Variants in CERT1 observed in about 807,000 individuals in gnomAD.
The protein encoded by CERT1 is ceramide transfer protein.
A neutral mutation model predicts 87.9 loss-of-function variants in CERT1; 31 were observed. The ratio of observed to expected loss-of-function variants is 0.35; its 90% CI spans 0.27 to 0.48. The LOEUF (loss-of-function observed/expected upper bound fraction) is 0.48. Among genes scored for constraint, CERT1 ranks in the 20% least tolerant of loss-of-function variants. The pLI, the probability that CERT1 is intolerant of heterozygous loss-of-function variation, is 0.99. For missense variants in CERT1, 487 were observed against 758.0 expected (o/e 0.64, Z 4.20); for synonymous variants, 289 against 250.9 (o/e 1.15, Z -1.44).
At chr5:75,431,689 A>AGTT (rs1349810971) in intron 3 of CERT1, among the ~76,000 whole-genome samples, 7 of 152,330 alleles carry the variant, frequency 4.6e-5, no homozygotes, top group Admixed American at 4.6e-4. Context: ...ATCCTGCATT[A>AGTT]GTTTACTAAG....
chr5:75,498,385 TCC>T (rs1329613927), intron 2 of CERT1, among the ~76,000 whole-genome samples: 3 of 152,150 alleles, frequency 2.0e-5, no homozygotes, highest in African/African-American at 7.2e-5. Flanking sequence ...TGGCAGCCCC[TCC>T]CATCAAACAC....
At position 75,399,336 on chromosome 5, in the gene CERT1, C is replaced by G; in HGVS notation, c.1162G>C (p.Asp388His). ...TGGGAGCTGAATCTGTGAACATCAT[C>G]AGAGGCACTGACTAGATCAATGGAA... The part of the protein sequence containing the change: ...MSSIDLVSAS[D>H]DVHRFSSQVE... Residue 388 changes from aspartate to histidine, a missense_variant, in exon 11 of 17, where the codon GAT (aspartate) becomes CAT (histidine). Transcript: ENST00000643780. 6.2e-7 allele frequency: 1 copy of G among 1,613,434 alleles called. No homozygotes were observed. Among genetic ancestry groups the G allele is most frequent in the South Asian group, 1.1e-5 (1 of 91,064 alleles).
At chr5:75,470,291 T>C (rs1765649773) in intron 2 of CERT1, among the ~76,000 whole-genome samples, 1 of 152,210 alleles carries the variant, frequency 6.6e-6, no homozygotes, top group Admixed American at 6.5e-5. Context: ...ATAGATATGT[T>C]AGACCACAAA....
rs1765124768 is a variant in CERT1, at chr5:75,459,156, A to T, written c.257T>A (p.Phe86Tyr). Residue 86 changes from phenylalanine to tyrosine, a missense_variant, in exon 3 of 17, where the codon TTT becomes TAT. Phe to Tyr is a conservative substitution (Grantham distance 22, BLOSUM62 3). Coordinates refer to ENST00000643780, the MANE Select transcript of CERT1 (RefSeq NM_001379029.1). ...AACACTATCATTTACACTAATATCA[A>T]ATCGACATTCATCAAAATCGTGAGG... ...ITPHDFDECRFDISVNDSVWY... is the reference protein window; with the variant it reads ...ITPHDFDECRYDISVNDSVWY... 5 of 1,611,258 alleles carry T rather than the reference A, an allele frequency of 3.1e-6. No individual in the cohort carries two copies. Among genetic ancestry groups the T allele is most frequent in the East Asian group, 2.2e-5 (1 of 44,838 alleles).
chr5:75,410,636 T>C (rs1220625610), intron 8 of CERT1: 1 of 150,072 alleles, frequency 6.7e-6, no homozygotes, highest in Non-Finnish European at 1.5e-5. Context: ...TCTCACAGTA[T>C]AGTACAGACT....
chr5:75,375,627 AAAT>A (rs1561216261), downstream of CERT1: 8 of 136,896 alleles, frequency 5.8e-5, no homozygotes, highest in African/African-American at 2.2e-4. Flanking sequence ...ATAAATAAAT[AAAT>A]AAAATAAATA....
chr5:75,437,418 A>G (rs1453271843), intron 3 of CERT1, among the ~76,000 whole-genome samples: 3 of 152,204 alleles, frequency 2.0e-5, no homozygotes, highest in Non-Finnish European at 4.4e-5. Context: ...TTCTAAGTCT[A>G]ATAAAATTTC....
At chr5:75,441,347 G>A (rs1177425645) in intron 3 of CERT1, among the ~76,000 whole-genome samples, 1 of 152,084 alleles carries the variant, frequency 6.6e-6, no homozygotes, top group Non-Finnish European at 1.5e-5. Context: ...TATGATGTTT[G>A]CACAACAAAA....
chr5:75,479,725 T>A (rs911097793), intron 2 of CERT1, among the ~76,000 whole-genome samples: 3 of 152,216 alleles, frequency 2.0e-5, no homozygotes, highest in African/African-American at 4.8e-5. Flanking sequence ...GTCTTTTTTT[T>A]ATTGTGAATA....
chr5:75,421,916 T>C (rs550121385), intron 5 of CERT1, among the ~76,000 whole-genome samples: 1 of 152,286 alleles, frequency 6.6e-6, no homozygotes, highest in South Asian at 2.1e-4. Flanking sequence ...AAGGAGTTGT[T>C]TTCTTGGAAA....
chr5:75,379,829 C>T (rs1030577176), intron 16 of CERT1, among the ~76,000 whole-genome samples: 2 of 152,188 alleles, frequency 1.3e-5, no homozygotes, highest in South Asian at 2.1e-4. Context: ...ATGATCCGCC[C>T]GCCTCAGCCT....
intron 14 of CERT1, among the ~76,000 whole-genome samples, chr5:75,384,313 C>T (rs1003186543): frequency 6.6e-6 from 1 of 152,142 alleles, no homozygotes; most frequent in Non-Finnish European, 1.5e-5. Context: ...GCAGGAGGAT[C>T]ACTTGAGCTC....
intron 3 of CERT1, among the ~76,000 whole-genome samples, chr5:75,436,055 C>T (rs569877051): frequency 9.9e-5 from 15 of 152,188 alleles, no homozygotes; most frequent in Admixed American, 2.0e-4. Flanking sequence ...TTTTTTGAGA[C>T]GGAGGATCGC....
chr5:75,406,755 G>C (rs887091559), intron 8 of CERT1, among the ~76,000 whole-genome samples: 1 of 152,202 alleles, frequency 6.6e-6, no homozygotes, highest in South Asian at 2.1e-4. Context: ...ATGTTGGCCA[G>C]GCTGCTCTTG....
rs953876263 is a variant in CERT1 at position 75,511,592 on chromosome 5, C to G, written c.-385G>C. The G allele has an allele frequency of 4.1e-6, 6 of 1,466,030 alleles. No homozygotes were observed. The highest frequency in any genetic ancestry group is 5.4e-6 in the Non-Finnish European group (6 of 1,109,126). The allele number at this position is 1,466,030 out of a possible 1,614,324, so 90.8% of individuals were successfully genotyped here. ...CTGAGTCCCGCGTCCACTCACACCT[C>G]CGCTACCGCCGCCATCTTCCTGCCT... On this transcript the variant is annotated 5_prime_UTR_variant, in exon 1 of 17. Transcript: ENST00000643780.
At position 75,379,281 on chromosome 5, in the gene CERT1, T is replaced by A; in HGVS notation, c.*65A>T. The A allele has an allele frequency of 7.4e-7, 1 of 1,349,910 alleles. No individual in the cohort carries two copies. Among genetic ancestry groups the A allele is most frequent in the Non-Finnish European group, 1.0e-6 (1 of 967,608 alleles). 83.6% of individuals were successfully genotyped at this position (1,349,910 alleles called of 1,614,324 possible). On this transcript the variant is annotated 3_prime_UTR_variant, in exon 17 of 17. Transcript: ENST00000643780. ...ACTTTCAACAACTAAATTTTAGTAT[T>A]GACAGTCATATTAGTCAAATAAAGT...
At position 75,446,311 on chromosome 5, in the gene CERT1, A is replaced by G. The variant is rs552809521; in HGVS notation, c.348+12754T>C. Among the ~76,000 whole-genome samples the G allele has an allele frequency of 5.3e-5, 8 of 152,278 alleles. No homozygotes were observed. The South Asian group carries it at 1.2e-3, about 24-fold the overall frequency. ...CTCTAGTGAATTTTTCATTTCAGTTACTAGAGTTTCTAGCTCCATAATTTC... is the reference window on the plus strand; with the variant it reads ...CTCTAGTGAATTTTTCATTTCAGTTGCTAGAGTTTCTAGCTCCATAATTTC... On this transcript the variant is annotated intron_variant, in intron 3 of 16. Coordinates refer to ENST00000643780, the MANE Select transcript of CERT1 (RefSeq NM_001379029.1).
At chr5:75,388,638 ATATC>A (rs1179161185) in intron 12 of CERT1, among the ~76,000 whole-genome samples, 2 of 107,568 alleles carry the variant, frequency 1.9e-5, no homozygotes, top group Non-Finnish European at 3.8e-5. Context: ...ATATATATAT[ATATC>A]TCACACAGGG....
chr5:75,386,350 A>C (rs948696025), intron 12 of CERT1, among the ~76,000 whole-genome samples: 2 of 152,234 alleles, frequency 1.3e-5, no homozygotes, highest in African/African-American at 2.4e-5. Context: ...TGGCTAAGAA[A>C]ACCAAATAAA....
Sources: allele counts gnomAD v4.1 joint callset (sites outside exome capture counted in the v4.1 genomes callset), GRCh38; gene constraint gnomAD v4.1.1; transcripts MANE v1.5; gene names NCBI Gene and HGNC (gene_info 2026-07-23, HGNC 2026-07-21).